Variants in DKK2 observed in about 807,000 individuals in gnomAD.
The protein encoded by DKK2 is dickkopf Wnt signaling pathway inhibitor 2.
DKK2 carries 11 observed loss-of-function variants against 28.1 expected under a neutral mutation model. The ratio of observed to expected loss-of-function variants is 0.39; its 90% CI spans 0.25 to 0.65. DKK2 has a LOEUF of 0.65. Ranked by LOEUF, DKK2 falls within the 30% of genes least tolerant of loss-of-function variation. The pLI, the probability that DKK2 is intolerant of heterozygous loss-of-function variation, is 0.47. For missense variants in DKK2, 326 were observed against 335.5 expected, an observed-to-expected ratio of 0.97 and a Z score of 0.22; for synonymous variants, 135 against 126.5, an observed-to-expected ratio of 1.07 and a Z score of -0.45.
intron 1 of DKK2, among the ~76,000 whole-genome samples, chr4:106,958,309 A>G (rs2110349346): frequency 6.6e-6 from 1 of 152,158 alleles, no homozygotes; most frequent in East Asian, 1.9e-4. Flanking sequence ...ATCTATGAGA[A>G]TATGCCTGGA....
intron 2 of DKK2, 70 bp from the exon 3 acceptor site, chr4:106,924,770 C>T: frequency 6.9e-7 from 1 of 1,443,424 alleles, no homozygotes; most frequent in Non-Finnish European, 9.5e-7. Context: ...CACATACTCT[C>T]TTGATGTGAA....
chr4:107,033,828 T>C (rs1723917093), intron 1 of DKK2, among the ~76,000 whole-genome samples: 1 of 152,100 alleles, frequency 6.6e-6, no homozygotes, highest in African/African-American at 2.4e-5. Context: ...TCTAAGAAAC[T>C]GTTAGGACCA....
rs569070666 is a variant in DKK2, at chr4:107,035,223, C to A, written c.222+147G>T. 82 of 927,042 alleles carry A rather than the reference C, an allele frequency of 8.8e-5. No homozygotes were observed. In the African/African-American group the frequency reaches 1.3e-3, roughly 14 times the overall value. The allele number at this position is 927,042 out of a possible 1,614,324, so 57.4% of individuals were successfully genotyped here. ...CCAGACACCCCCCGCCCACGCAGACCCTGTTCGGTGAATCCCTCCCCAGCC... is the reference window on the plus strand; with the variant it reads ...CCAGACACCCCCCGCCCACGCAGACACTGTTCGGTGAATCCCTCCCCAGCC... On this transcript the variant is annotated intron_variant, in intron 1 of 3. Coordinates refer to ENST00000285311, the MANE Select transcript of DKK2 (RefSeq NM_014421.3).
rs1723953819 is a variant in DKK2, at chr4:107,035,660, C to G, written c.-69G>C. 1.9e-6 allele frequency: 3 copies of G among 1,561,790 alleles called. No homozygotes were observed. In the African/African-American group the frequency reaches 4.1e-5, roughly 21 times the overall value. ...GTGGGAATGCAAAGGGAGGGAGGAC[C>G]CCAACACGGGGCCCCTCACTTGGGT... On this transcript the variant is annotated 5_prime_UTR_variant, in exon 1 of 4. Transcript: ENST00000285311.
At chr4:106,991,293 C>T (rs944034849) in intron 1 of DKK2, among the ~76,000 whole-genome samples, 2 of 152,140 alleles carry the variant, frequency 1.3e-5, no homozygotes, top group African/African-American at 4.8e-5. Context: ...TTTCTCATAA[C>T]CAGTAATCCT....
intron 1 of DKK2, among the ~76,000 whole-genome samples, chr4:106,965,006 T>C (rs1245376283): frequency 1.6e-5 from 2 of 125,196 alleles, no homozygotes; most frequent in Non-Finnish European, 3.4e-5. Context: ...GATAGATAGA[T>C]TGATTGATTC....
chr4:106,996,258 T>C (rs1041639553), intron 1 of DKK2, among the ~76,000 whole-genome samples: 1 of 152,148 alleles, frequency 6.6e-6, no homozygotes, highest in Non-Finnish European at 1.5e-5. Flanking sequence ...TAAAATAGTA[T>C]ACAATTCAAC....
intron 1 of DKK2, among the ~76,000 whole-genome samples, chr4:107,028,571 A>G (rs13106517): frequency 0.23 from 35,433 of 152,098 alleles, 4,368 homozygotes; most frequent in East Asian, 0.49. Context: ...TAAAAAAAAG[A>G]AAAGACTAGA....
In DKK2 at chr4:106,983,024, GGAA is replaced by G. The variant is rs931185354; in HGVS notation, c.222+52343_222+52345del. ...AAAGAAAAAGAGAGAAAGGAAGGAA[GGAA>G]GAAGAAAGATGAAAGAAAGAAAGAA... is the stretch of plus-strand genomic sequence containing the variant. On this transcript the variant is annotated intron_variant, in intron 1 of 3. Transcript: ENST00000285311. Among the ~76,000 whole-genome samples, 17 of 127,008 alleles carry G rather than the reference GGAA, an allele frequency of 1.3e-4. No individual in the cohort carries two copies. In the East Asian group the frequency reaches 3.8e-3, roughly 29 times the overall value. The allele number at this position is 127,008 out of a possible 152,430, so 83.3% of individuals were successfully genotyped here.
At chr4:106,928,891 T>C (rs1724461799) in intron 1 of DKK2, among the ~76,000 whole-genome samples, 1 of 152,082 alleles carries the variant, frequency 6.6e-6, no homozygotes, top group South Asian at 2.1e-4. Context: ...CCCTCTAAAG[T>C]TTCTGGAAAT....
chr4:107,017,339 G>T lies in DKK2; in HGVS notation c.222+18031C>A, dbSNP rs917165329. On this transcript the variant is annotated intron_variant, in intron 1 of 3. Coordinates refer to ENST00000285311, the MANE Select transcript of DKK2 (RefSeq NM_014421.3). ...GATAATAATTTTTTAGTTTCCTCTTGAGCTTAGCAATTATAGCTGTTTAAA... is the reference window on the plus strand; with the variant it reads ...GATAATAATTTTTTAGTTTCCTCTTTAGCTTAGCAATTATAGCTGTTTAAA... Among the ~76,000 whole-genome samples the T allele has an allele frequency of 5.9e-5, 9 of 152,042 alleles. 1 individual carries two copies. The highest frequency in any genetic ancestry group is 5.9e-4 in the Admixed American group (9 of 15,268).
chr4:107,007,258 A>T (rs2110367487), intron 1 of DKK2, among the ~76,000 whole-genome samples: 1 of 152,188 alleles, frequency 6.6e-6, no homozygotes, highest in South Asian at 2.1e-4. Flanking sequence ...GAGTCAATAG[A>T]CCCAGGAATA....
At chr4:106,969,705 G>C (rs1193348251) in intron 1 of DKK2, among the ~76,000 whole-genome samples, 1 of 151,948 alleles carries the variant, frequency 6.6e-6, no homozygotes, top group East Asian at 1.9e-4. Context: ...AAACTGAAGA[G>C]AGCAGGGACC....
rs373480522 is a variant in DKK2 at position 107,020,006 on chromosome 4, T to C, written c.222+15364A>G. ...GTCTGACTCTCCCAGAAGTGGACATTTAAAAAAAAAATTAGTGGTGAGGTT... is the reference window on the plus strand; with the variant it reads ...GTCTGACTCTCCCAGAAGTGGACATCTAAAAAAAAAATTAGTGGTGAGGTT... On this transcript the variant is annotated intron_variant, in intron 1 of 3. Transcript: ENST00000285311. Among the ~76,000 whole-genome samples the C allele has an allele frequency of 5.9e-5, 9 of 152,156 alleles. 1 individual carries two copies. The highest frequency in any genetic ancestry group is 5.9e-4 in the Admixed American group (9 of 15,256).
At chr4:106,991,972 C>T (rs1269770474) in intron 1 of DKK2, among the ~76,000 whole-genome samples, 1 of 152,128 alleles carries the variant, frequency 6.6e-6, no homozygotes, top group Non-Finnish European at 1.5e-5. Context: ...TCCATTTTAA[C>T]ATTAAACTCT....
chr4:106,966,040 G>A (rs917111132), intron 1 of DKK2, among the ~76,000 whole-genome samples: 1 of 151,982 alleles, frequency 6.6e-6, no homozygotes, highest in Non-Finnish European at 1.5e-5. Flanking sequence ...ATTGTGAATA[G>A]TGCCGCAATA....
intron 1 of DKK2, among the ~76,000 whole-genome samples, chr4:107,009,580 G>A (rs1169380484): frequency 6.6e-6 from 1 of 151,928 alleles, no homozygotes; most frequent in African/African-American, 2.4e-5. Context: ...ACACAAAGCT[G>A]GGTAGGAGTT....
chr4:107,007,313 T>C (rs1399276080), intron 1 of DKK2, among the ~76,000 whole-genome samples: 1 of 152,098 alleles, frequency 6.6e-6, no homozygotes, highest in Non-Finnish European at 1.5e-5. Context: ...ACATTTTAAG[T>C]TCTTTATCAT....
chr4:106,935,633 C>A (rs1468175423), intron 1 of DKK2, among the ~76,000 whole-genome samples: 3 of 152,240 alleles, frequency 2.0e-5, no homozygotes, highest in Non-Finnish European at 4.4e-5. Context: ...GGAGGCCTGC[C>A]TGCTTCTGTA....
Sources: gnomAD v4.1 joint callset for allele counts (sites outside exome capture counted in the v4.1 genomes callset) on GRCh38, gnomAD v4.1.1 for gene constraint, MANE v1.5 for transcripts, NCBI Gene and HGNC (gene_info 2026-07-23, HGNC 2026-07-21) for gene names.